Variants in BTAF1 observed in about 807,000 individuals in gnomAD.
BTAF1 encodes the protein TATA-binding protein-associated factor 172.
BTAF1 carries 38 observed loss-of-function variants against 227.1 expected under a neutral mutation model. The observed-to-expected ratio is 0.17, with a 90% CI of 0.13 to 0.22. The LOEUF is 0.22. BTAF1 is among the 10% of genes least tolerant of loss of function. BTAF1 has a pLI of 1.00. For missense variants in BTAF1, 1,598 were observed against 2,204.0 expected, an observed-to-expected ratio of 0.73 and a Z score of 5.51; for synonymous variants, 742 against 751.9, an observed-to-expected ratio of 0.99 and a Z score of 0.21.
In BTAF1 at chr10:91,943,800, G is replaced by T. The variant is rs566335531; in HGVS notation, c.400+1232G>T. Reference sequence around the variant, plus strand: ...CAGAGATCAAAATTATATATATTTTGGTTTTGCCATATTCTTATTTCATAG... The same window carrying T: ...CAGAGATCAAAATTATATATATTTTTGTTTTGCCATATTCTTATTTCATAG... On this transcript the variant is annotated intron_variant, in intron 4 of 37. Transcript: ENST00000265990. 2.6e-5 allele frequency among the ~76,000 whole-genome samples: 4 copies of T among 152,172 alleles called. No individual in the cohort carries two copies. In the South Asian group the frequency reaches 8.3e-4, roughly 32 times the overall value.
chr10:91,961,495 G>A (rs1006715575), intron 11 of BTAF1, among the ~76,000 whole-genome samples: 6 of 148,292 alleles, frequency 4.0e-5, no homozygotes, highest in African/African-American at 1.3e-4. Context: ...CAAAGCATTC[G>A]TGATTCTGCT....
chr10:91,931,257 T>C (rs571095286), intron 1 of BTAF1, among the ~76,000 whole-genome samples: 38 of 152,354 alleles, frequency 2.5e-4, no homozygotes, highest in Non-Finnish European at 3.5e-4. Flanking sequence ...AATCATATCT[T>C]GTTTAGCTAA....
At position 92,027,267 on chromosome 10, in the gene BTAF1, T is replaced by C. The variant is rs1308527406; in HGVS notation, c.5373T>C (p.Thr1791=). The change falls in exon 37 of 38, where the codon ACT becomes ACC. Residue 1791 remains threonine, a synonymous_variant. Coordinates refer to ENST00000265990, the MANE Select transcript of BTAF1 (RefSeq NM_003972.3). Reference sequence around the variant, plus strand: ...ATTCTAGTTTGCAGAGCATGGGGACTGATCAGCTTCTTGATCTGTTTACTC... The same window carrying C: ...ATTCTAGTTTGCAGAGCATGGGGACCGATCAGCTTCTTGATCTGTTTACTC... The part of the protein sequence containing the change: ...QENSSLQSMG[T]DQLLDLFTLD... The C allele has an allele frequency of 1.2e-6, 2 of 1,612,882 alleles. No individual in the cohort carries two copies. Among genetic ancestry groups the C allele is most frequent in the African/African-American group, 2.7e-5 (2 of 74,866 alleles).
At chr10:92,025,878 G>A (rs537883541) in intron 35 of BTAF1, among the ~76,000 whole-genome samples, 1 of 150,874 alleles carries the variant, frequency 6.6e-6, no homozygotes, top group Non-Finnish European at 1.5e-5. Flanking sequence ...TTAGAGACCC[G>A]GGGAGGGACT....
chr10:91,998,127 CAAAA>C (rs55642022), intron 25 of BTAF1, among the ~76,000 whole-genome samples: 5 of 99,380 alleles, frequency 5.0e-5, no homozygotes, highest in Admixed American at 2.0e-4. Context: ...GACTCCATCT[CAAAA>C]AAAAAAAAAA....
intron 4 of BTAF1, among the ~76,000 whole-genome samples, chr10:91,944,016 A>AG (rs1461345363): frequency 2.0e-5 from 3 of 151,946 alleles, no homozygotes; most frequent in Admixed American, 6.6e-5. Flanking sequence ...CTGGGTGTGG[A>AG]GGCGGGTGCC....
chr10:91,924,893 T>G (rs563796384), intron 1 of BTAF1, among the ~76,000 whole-genome samples: 20 of 152,378 alleles, frequency 1.3e-4, no homozygotes, highest in African/African-American at 4.8e-4. Context: ...TCTGTGATAG[T>G]GATCGGATGG....
At chr10:92,020,814 A>G (rs186803425) in intron 34 of BTAF1, among the ~76,000 whole-genome samples, 66 of 152,320 alleles carry the variant, frequency 4.3e-4, no homozygotes, top group African/African-American at 1.4e-3. Context: ...AATTAGATCT[A>G]TTTTCAAAAT....
At chr10:92,017,211 C>T (rs1266427733) in intron 33 of BTAF1, among the ~76,000 whole-genome samples, 1 of 152,100 alleles carries the variant, frequency 6.6e-6, no homozygotes, top group Non-Finnish European at 1.5e-5. Context: ...GTTTCTTAAT[C>T]GAGGGGCTAG....
At chr10:91,937,978 G>A (rs570946719) in intron 2 of BTAF1, among the ~76,000 whole-genome samples, 21 of 152,118 alleles carry the variant, frequency 1.4e-4, no homozygotes, top group Non-Finnish European at 2.9e-4. Context: ...TGGATATGAA[G>A]GGGTTTGATT....
At chr10:91,928,719 G>A (rs1334442195) in intron 1 of BTAF1, among the ~76,000 whole-genome samples, 2 of 149,424 alleles carry the variant, frequency 1.3e-5, no homozygotes, top group East Asian at 2.0e-4. Flanking sequence ...CTTTGCGATC[G>A]CAGCACTGCA....
At chr10:91,957,200 T>G (rs202035118) in intron 7 of BTAF1, 25 bp from the exon 8 acceptor site, 7 of 1,589,422 alleles carry the variant, frequency 4.4e-6, no homozygotes, top group Non-Finnish European at 6.0e-6. Flanking sequence ...TTTGAACTAG[T>G]AGTAATTCTG....
chr10:91,955,017 AAG>A (rs1846002570), intron 6 of BTAF1, among the ~76,000 whole-genome samples: 1 of 152,252 alleles, frequency 6.6e-6, no homozygotes, highest in Non-Finnish European at 1.5e-5. Flanking sequence ...TAAAGCTAAA[AAG>A]TGTTTAGTGT....
In BTAF1 at chr10:92,011,328, C is replaced by A; in HGVS notation, c.4224C>A (p.Val1408=). 1 of 1,495,216 alleles carries A rather than the reference C, an allele frequency of 6.7e-7. No homozygotes were observed. Among genetic ancestry groups the A allele is most frequent in the East Asian group, 2.5e-5 (1 of 40,130 alleles). 92.6% of individuals were successfully genotyped at this position (1,495,216 alleles called of 1,614,324 possible). The change falls in exon 30 of 38, where the codon GTC becomes GTA. Residue 1408 remains valine, a synonymous_variant. Transcript: ENST00000265990. ...ACTGCATTCTTGATGAAGGCCATGTCATCAAAAATGGAAAAACAAAGTTGT... is the reference window on the plus strand; with the variant it reads ...ACTGCATTCTTGATGAAGGCCATGTAATCAAAAATGGAAAAACAAAGTTGT... The part of the protein sequence containing the change: ...FNYCILDEGH[V]IKNGKTKLSK...
chr10:91,940,233 TA>T (rs201138613), intron 3 of BTAF1, among the ~76,000 whole-genome samples, 167 bp downstream of exon 3: 86 of 144,060 alleles, frequency 6.0e-4, no homozygotes, highest in East Asian at 2.2e-3. Flanking sequence ...TTCACCACAT[TA>T]AAAAAAAAAA....
chr10:91,950,942 G>A (rs1427115247), intron 4 of BTAF1, among the ~76,000 whole-genome samples: 3 of 149,378 alleles, frequency 2.0e-5, no homozygotes, highest in East Asian at 2.0e-4. Flanking sequence ...CAAGCCTCTC[G>A]CCTTCAGCCC....
At chr10:91,930,727 T>C (rs546490815) in intron 1 of BTAF1, among the ~76,000 whole-genome samples, 8 of 152,234 alleles carry the variant, frequency 5.3e-5, no homozygotes, top group Admixed American at 2.6e-4. Flanking sequence ...CTATACTAAG[T>C]AATGGTCATT....
At chr10:91,986,490 G>C (rs559375839) in intron 19 of BTAF1, among the ~76,000 whole-genome samples, 6 of 152,162 alleles carry the variant, frequency 3.9e-5, no homozygotes, top group African/African-American at 1.4e-4. Flanking sequence ...ATTTCTAGTT[G>C]AAAAATAATA....
At chr10:92,028,290 C>T (rs1467946536) in intron 37 of BTAF1, among the ~76,000 whole-genome samples, 2 of 152,114 alleles carry the variant, frequency 1.3e-5, no homozygotes. Flanking sequence ...CCATAAAAGG[C>T]ACTATTTAGA....
Sources: allele counts gnomAD v4.1 joint callset (sites outside exome capture counted in the v4.1 genomes callset), GRCh38; gene constraint gnomAD v4.1.1; transcripts MANE v1.5; gene names NCBI Gene and HGNC (gene_info 2026-07-23, HGNC 2026-07-21).